HPF1: variants seen among roughly 807,000 people sequenced by gnomAD.
HPF1 encodes histone PARylation factor 1.
Under a neutral mutation model 38.8 loss-of-function variants are expected in HPF1, and 35 were observed. The ratio of observed to expected loss-of-function variants is 0.90; its 90% CI spans 0.69 to 1.19. The LOEUF (loss-of-function observed/expected upper bound fraction) is 1.19. Ranked by LOEUF, HPF1 falls within the 50% of genes most tolerant of loss-of-function variation. The probability of loss-of-function intolerance (pLI) is 0.00; values close to 1 mark genes in which losing one functional copy is unlikely to be tolerated. For synonymous variants in HPF1, 115 were observed against 139.2 expected (o/e 0.83, Z 1.22); for missense variants, 367 against 405.8 (o/e 0.90, Z 0.82).
intron 4 of HPF1, among the ~76,000 whole-genome samples, chr4:169,745,325 A>G (rs1734034054): frequency 6.6e-6 from 1 of 152,204 alleles, no homozygotes. Flanking sequence ...CCAGGTCATC[A>G]GGGAAGGGAA....
Position 169,729,830 on chromosome 4 carries a change from C to A in HPF1, c.910-121G>T, listed in dbSNP as rs1237526966. 6 of 677,000 alleles carry A rather than the reference C, an allele frequency of 8.9e-6. No homozygotes were observed. The African/African-American group carries it at 9.4e-5, about 11-fold the overall frequency. 41.9% of individuals were successfully genotyped at this position (677,000 alleles called of 1,614,324 possible). ...TACTTCCAAAATCATTTTAGCTACA[C>A]CCTCAGGTGGTTAGTGAACATAATT... is the stretch of plus-strand genomic sequence containing the variant. On this transcript the variant is annotated intron_variant, in intron 7 of 7. Coordinates refer to ENST00000393381, the MANE Select transcript of HPF1 (RefSeq NM_017867.3).
intron 2 of HPF1, among the ~76,000 whole-genome samples, chr4:169,752,145 T>C (rs1734127305): frequency 6.7e-6 from 1 of 149,862 alleles, no homozygotes. Flanking sequence ...TCTTTGCTAA[T>C]AAATGTTTGT....
intron 4 of HPF1, among the ~76,000 whole-genome samples, chr4:169,747,164 C>T (rs1581320649): frequency 6.7e-6 from 1 of 149,184 alleles, no homozygotes; most frequent in Non-Finnish European, 1.5e-5. Context: ...GATACTCTGC[C>T]CTCGTGGAAC....
intron 2 of HPF1, among the ~76,000 whole-genome samples, chr4:169,751,103 G>T (rs538474440): frequency 1.3e-5 from 2 of 152,000 alleles, no homozygotes; most frequent in African/African-American, 2.4e-5. Flanking sequence ...AAAATGTGTG[G>T]ATTAAGAGTA....
chr4:169,748,345 T>C (rs147935415), intron 4 of HPF1, among the ~76,000 whole-genome samples: 60 of 151,918 alleles, frequency 3.9e-4, no homozygotes, highest in African/African-American at 1.3e-3. Flanking sequence ...TCTAGAAATC[T>C]ACAATTATGG....
chr4:169,737,836 C>T lies in HPF1; in HGVS notation c.649-89G>A, dbSNP rs1197233490. 9.8e-6 allele frequency: 8 copies of T among 812,504 alleles called. No individual in the cohort carries two copies. The East Asian group carries it at 1.7e-4, about 17-fold the overall frequency. The allele number at this position is 812,504 out of a possible 1,614,324, so 50.3% of individuals were successfully genotyped here. Reference sequence around the variant, plus strand: ...AATACATAAACCCTCAACATTTCTGCCAAAATGTAACATTTAATCACATTT... The same window carrying T: ...AATACATAAACCCTCAACATTTCTGTCAAAATGTAACATTTAATCACATTT... On this transcript the variant is annotated intron_variant, in intron 5 of 7. Transcript: ENST00000393381.
At position 169,729,629 on chromosome 4, in the gene HPF1, C is replaced by G. The variant is rs1308852106; in HGVS notation, c.990G>C (p.Glu330Asp). ...LKRNLFAEIIEEHLANRSQEN... is the reference protein window; with the variant it reads ...LKRNLFAEIIDEHLANRSQEN... ...CTTGACTTCTGTTTGCCAGATGCTC[C>G]TCAATAATTTCTGCAAACAGATTCC... is the stretch of plus-strand genomic sequence containing the variant. Residue 330 changes from glutamate to aspartate, a missense_variant, in exon 8 of 8, where the codon GAG (glutamate) becomes GAC (aspartate). By Grantham distance (45) the Glu-to-Asp change is conservative. Transcript: ENST00000393381. 1.3e-6 allele frequency: 2 copies of G among 1,589,466 alleles called. No individual in the cohort carries two copies. The highest frequency in any genetic ancestry group is 4.6e-5 in the East Asian group (2 of 43,608).
At chr4:169,733,897 A>ATC in intron 6 of HPF1, among the ~76,000 whole-genome samples, 1 of 147,168 alleles carries the variant, frequency 6.8e-6, no homozygotes, top group Non-Finnish European at 1.5e-5. Context: ...CCTGTCTCAA[A>ATC]AAAAAAAAAA....
chr4:169,746,923 TAA>T (rs35498061), intron 4 of HPF1, among the ~76,000 whole-genome samples: 4 of 130,278 alleles, frequency 3.1e-5, no homozygotes, highest in Non-Finnish European at 6.6e-5. Context: ...CCAATTAGCT[TAA>T]AAAAAAAAAA....
chr4:169,753,958 A>G (rs1253359078), intron 1 of HPF1, 123 bp from the exon 2 acceptor site: 6 of 727,750 alleles, frequency 8.2e-6, no homozygotes, highest in African/African-American at 1.8e-5. Flanking sequence ...AACTCTCTAA[A>G]TGGTCTTTGA....
At chr4:169,736,898 C>T (rs6850446) in intron 6 of HPF1, among the ~76,000 whole-genome samples, 130,742 of 152,192 alleles carry the variant, frequency 0.86, 58,353 homozygotes, top group East Asian at 0.99. Context: ...CTAGATTATG[C>T]GCAGTGGTCC....
At chr4:169,743,246 A>G (rs1734001778) in intron 4 of HPF1, among the ~76,000 whole-genome samples, 1 of 151,450 alleles carries the variant, frequency 6.6e-6, no homozygotes. Context: ...AGTAGCTGGG[A>G]TTACAGGTAC....
intron 1 of HPF1, among the ~76,000 whole-genome samples, chr4:169,756,091 A>G (rs1018699500): frequency 6.6e-6 from 1 of 152,218 alleles, no homozygotes; most frequent in Non-Finnish European, 1.5e-5. Context: ...AGTAAAGATA[A>G]TATAATAGTA....
At chr4:169,739,966 A>G (rs1011481076) in intron 5 of HPF1, among the ~76,000 whole-genome samples, 1 of 152,224 alleles carries the variant, frequency 6.6e-6, no homozygotes, top group African/African-American at 2.4e-5. Context: ...TACCTGTACT[A>G]ATTGTCCATG....
chr4:169,750,885 A>T (rs1196769573), intron 2 of HPF1, among the ~76,000 whole-genome samples, 160 bp from the exon 3 acceptor site: 4 of 152,234 alleles, frequency 2.6e-5, no homozygotes, highest in African/African-American at 7.2e-5. Context: ...TTCAATGGAA[A>T]AGAAGTCAGA....
chr4:169,743,410 T>C (rs958029276), intron 4 of HPF1, among the ~76,000 whole-genome samples: 1 of 4,790 alleles, frequency 2.1e-4, no homozygotes, highest in African/African-American at 4.0e-4. Context: ...GCCCCTGGCC[T>C]TTTTTTTTTT....
At chr4:169,748,679 C>A in intron 4 of HPF1, 65 bp downstream of exon 4, 1 of 774,724 alleles carries the variant, frequency 1.3e-6, no homozygotes, top group South Asian at 2.0e-5. Flanking sequence ...GCCCCTCAAA[C>A]CCCCTTTGTA....
intron 4 of HPF1, among the ~76,000 whole-genome samples, chr4:169,744,768 G>T (rs1416343444): frequency 6.6e-6 from 1 of 151,384 alleles, no homozygotes; most frequent in Non-Finnish European, 1.5e-5. Flanking sequence ...TCATTTGAGA[G>T]AATTCCTGCC....
chr4:169,753,049 T>TTC (rs1560891911), intron 2 of HPF1, among the ~76,000 whole-genome samples: 1 of 148,242 alleles, frequency 6.7e-6, no homozygotes, highest in Non-Finnish European at 1.5e-5. Context: ...TTTTTTTTTT[T>TTC]CTGAGACAGG....
Sources: gnomAD v4.1 joint callset for allele counts (sites outside exome capture counted in the v4.1 genomes callset) on GRCh38, gnomAD v4.1.1 for gene constraint, MANE v1.5 for transcripts, NCBI Gene and HGNC (gene_info 2026-07-23, HGNC 2026-07-21) for gene names.